The following PDE6C variants were observed in gnomAD, a reference collection of about 807,000 sequenced individuals.
PDE6C encodes the protein cone cGMP-specific 3',5'-cyclic phosphodiesterase subunit alpha'.
A neutral mutation model predicts 113.1 loss-of-function variants in PDE6C; 75 were observed. That is an observed-to-expected ratio of 0.66 (90% CI 0.55 to 0.80). PDE6C has a LOEUF of 0.80. Among genes scored for constraint, PDE6C ranks in the 30% least tolerant of loss-of-function variants. The pLI is 0.00. For missense variants in PDE6C, 912 were observed against 1,038.6 expected (o/e 0.88, Z 1.67); for synonymous variants, 375 against 363.7 (o/e 1.03, Z -0.35).
At chr10:93,626,728 G>A in intron 6 of PDE6C, 24 bp downstream of exon 6, 1 of 1,599,706 alleles carries the variant, frequency 6.3e-7, no homozygotes, top group Non-Finnish European at 8.6e-7. Context: ...GGAAGTTGCT[G>A]CCGCAGTTGC....
intron 20 of PDE6C, 127 bp from the exon 21 acceptor site, chr10:93,662,901 C>T (rs973796705): frequency 1.2e-5 from 10 of 832,338 alleles, no homozygotes; most frequent in Admixed American, 2.1e-5. Context: ...TTCATAGGCC[C>T]GTGGTTAAAC....
At chr10:93,664,220 T>C (rs1367481375) in intron 21 of PDE6C, among the ~76,000 whole-genome samples, 1 of 152,172 alleles carries the variant, frequency 6.6e-6, no homozygotes. Context: ...CAATGCACAA[T>C]TAACGATCTC....
chr10:93,664,828 T>A (rs1297637915), intron 21 of PDE6C, among the ~76,000 whole-genome samples: 2 of 152,168 alleles, frequency 1.3e-5, no homozygotes, highest in Non-Finnish European at 2.9e-5. Flanking sequence ...ACTAAGATGT[T>A]AACTGGCCAA....
chr10:93,656,995 T>C (rs1003116252), intron 16 of PDE6C, among the ~76,000 whole-genome samples: 1 of 152,134 alleles, frequency 6.6e-6, no homozygotes, highest in Non-Finnish European at 1.5e-5. Flanking sequence ...CAGATTTTGC[T>C]TTATAAGGAG....
chr10:93,620,928 T>G lies in PDE6C; in HGVS notation c.671T>G (p.Leu224Arg), dbSNP rs2058442773. 1 of 1,614,016 alleles carries G rather than the reference T, an allele frequency of 6.2e-7. No homozygotes were observed. Among genetic ancestry groups the G allele is most frequent in the African/African-American group, 1.3e-5 (1 of 74,908 alleles). The change falls in exon 3 of 22, where the codon CTA becomes CGA. Residue 224 changes from leucine (L) to arginine (R), a missense_variant. Transcript: ENST00000371447. ...SKYLNFVSIILRLHHTSYMYN... is the reference protein window; with the variant it reads ...SKYLNFVSIIRRLHHTSYMYN... The stretch of plus-strand genomic sequence containing the variant: ...TACCTCAACTTTGTGTCTATCATCC[T>G]AAGGCTTCATCACACCAGCTACATG...
rs1221399630 is a variant in PDE6C at position 93,626,656 on chromosome 10, A to C, written c.956A>C (p.Lys319Thr). 1 of 1,578,558 alleles carries C rather than the reference A, an allele frequency of 6.3e-7. No homozygotes were observed. Among genetic ancestry groups the C allele is most frequent in the East Asian group, 2.2e-5 (1 of 44,702 alleles). Residue 319 changes from lysine (K) to threonine (T), a missense_variant, in exon 6 of 22, where the codon AAA (lysine) becomes ACA (threonine). By Grantham distance (78) the Lys-to-Thr change is moderately conservative. Transcript: ENST00000371447. ...CTTTCTTAGGAAGTCAACTTTTATA[A>C]AATCATTGATTACATTTTACATGGA... ...TPDGREVNFYKIIDYILHGKE... is the reference protein window; with the variant it reads ...TPDGREVNFYTIIDYILHGKE...
chr10:93,613,187 T>A lies in PDE6C; in HGVS notation c.462T>A (p.Asn154Lys), dbSNP rs149739681. 1 of 1,613,740 alleles carries A rather than the reference T, an allele frequency of 6.2e-7. No individual in the cohort carries two copies. The highest frequency in any genetic ancestry group is 8.5e-7 in the Non-Finnish European group (1 of 1,180,008). ...CTGCTCACACGAAGAAAACTCATAATGTCCCAGATGTGAAAAAGGTAGGTG... is the reference window on the plus strand; with the variant it reads ...CTGCTCACACGAAGAAAACTCATAAAGTCCCAGATGTGAAAAAGGTAGGTG... ...GWAAHTKKTH[N>K]VPDVKKNSHF... Residue 154 changes from asparagine to lysine, a missense_variant, in exon 1 of 22, where the codon AAT becomes AAA. By Grantham distance (94) the Asn-to-Lys change is moderately conservative. Transcript: ENST00000371447.
Position 93,622,018 on chromosome 10 carries a change from A to G in PDE6C, c.810A>G (p.Ser270=). The G allele has an allele frequency of 6.2e-7, 1 of 1,613,978 alleles. No individual in the cohort carries two copies. The highest frequency in any genetic ancestry group is 8.5e-7 in the Non-Finnish European group (1 of 1,179,854). ...ACAAAGCGCTCTACACGGTTAGATC[A>G]TATCTGAACTGTGAACGATACTCCA... The part of the protein sequence containing the change: ...QFHKALYTVR[S]YLNCERYSIG... The change falls in exon 4 of 22, where the codon TCA becomes TCG. Residue 270 remains serine, a synonymous_variant. Transcript: ENST00000371447.
At chr10:93,618,757 A>G (rs779435235) in intron 1 of PDE6C, among the ~76,000 whole-genome samples, 60 of 152,212 alleles carry the variant, frequency 3.9e-4, no homozygotes, top group African/African-American at 1.4e-3. Flanking sequence ...ATTCTGAGGC[A>G]TATCTCAGGA....
rs113092118 is a variant in PDE6C at position 93,661,697 on chromosome 10, A to G, written c.2209-362A>G. Among the ~76,000 whole-genome samples, 1,066 of 152,340 alleles carry G rather than the reference A, an allele frequency of 7.0e-3. 17 individuals carry two copies. Among genetic ancestry groups the G allele is most frequent in the African/African-American group, 0.024 (1,007 of 41,568 alleles). On this transcript the variant is annotated intron_variant, in intron 18 of 21. Transcript: ENST00000371447. ...GGGTGTATGTCACATGTGCATTCAC[A>G]GACATATGCTAGATGCTAACAGATA...
intron 8 of PDE6C, among the ~76,000 whole-genome samples, 183 bp from the exon 9 acceptor site, chr10:93,634,575 C>T (rs1290442421): frequency 1.3e-5 from 2 of 152,176 alleles, no homozygotes; most frequent in African/African-American, 4.8e-5. Context: ...CGATATTGTA[C>T]TATAGTTACA....
chr10:93,633,843 A>G (rs2058514923), intron 8 of PDE6C, among the ~76,000 whole-genome samples: 1 of 152,232 alleles, frequency 6.6e-6, no homozygotes. Context: ...ACATAGTGGT[A>G]AGAAGCACTT....
rs550545604 is a variant in PDE6C, at chr10:93,661,850, C to T, written c.2209-209C>T. 5.3e-5 allele frequency among the ~76,000 whole-genome samples: 8 copies of T among 152,222 alleles called. No individual in the cohort carries two copies. In the South Asian group the frequency reaches 1.7e-3, roughly 32 times the overall value. On this transcript the variant is annotated intron_variant, in intron 18 of 21. Coordinates refer to ENST00000371447, the MANE Select transcript of PDE6C (RefSeq NM_006204.4). ...GGGAGATAGATACTCCTAGAATAAG[C>T]CTAGAACACTGAAGTAGGAAGAAAA...
chr10:93,613,968 A>G lies in PDE6C; in HGVS notation c.480+763A>G, dbSNP rs116199822. 4.4e-3 allele frequency among the ~76,000 whole-genome samples: 664 copies of G among 152,306 alleles called. 6 individuals are homozygous for G. The highest frequency in any genetic ancestry group is 0.016 in the African/African-American group (647 of 41,564). On this transcript the variant is annotated intron_variant, in intron 1 of 21. Transcript: ENST00000371447. ...GAAATAGAAAAACTTTATTCTTACC[A>G]TTAGAGTACATGTTCATTTTTAAAC...
intron 15 of PDE6C, among the ~76,000 whole-genome samples, chr10:93,655,273 T>C (rs1439796193): frequency 6.6e-6 from 1 of 152,182 alleles, no homozygotes; most frequent in East Asian, 1.9e-4. Context: ...TTTTCCTACA[T>C]ATACACGAAT....
At position 93,663,123 on chromosome 10, in the gene PDE6C, A is replaced by C. The variant is rs893420601; in HGVS notation, c.2463A>C (p.Ala821=). Residue 821 remains alanine (A), a synonymous_variant, in exon 21 of 22, where the codon GCA becomes GCC. Coordinates refer to ENST00000371447, the MANE Select transcript of PDE6C (RefSeq NM_006204.4). ...EWKSLADEYD[A]KMKVIEEEAK... ...AATCACTAGCTGATGAGTATGATGC[A>C]AAGATGAAGGTCATTGAAGAGGAGG... 2 of 1,613,684 alleles carry C rather than the reference A, an allele frequency of 1.2e-6. No homozygotes were observed. The highest frequency in any genetic ancestry group is 2.2e-5 in the South Asian group (2 of 91,070).
rs2058476033 is a variant in PDE6C, at chr10:93,626,959, T to C, written c.1071+88T>C. The stretch of plus-strand genomic sequence containing the variant: ...ATAGATACAATTGTGAAAGCAAGAA[T>C]GCATCCAATAAAAGCTAGATGGGCC... On this transcript the variant is annotated intron_variant, in intron 7 of 21. Transcript: ENST00000371447. 2.5e-6 allele frequency: 3 copies of C among 1,216,004 alleles called. No homozygotes were observed. The African/African-American group carries it at 4.5e-5, about 18-fold the overall frequency. 75.3% of individuals were successfully genotyped at this position (1,216,004 alleles called of 1,614,324 possible).
chr10:93,656,430 A>C (rs72808863), intron 16 of PDE6C, among the ~76,000 whole-genome samples: 2 of 152,128 alleles, frequency 1.3e-5, no homozygotes, highest in Non-Finnish European at 1.5e-5. Context: ...ACATTTTCTC[A>C]TAAGTGAACT....
At chr10:93,660,359 A>G (rs962032136) in intron 18 of PDE6C, among the ~76,000 whole-genome samples, 4 of 152,230 alleles carry the variant, frequency 2.6e-5, no homozygotes, top group African/African-American at 9.6e-5. Flanking sequence ...GAGAAATAGA[A>G]TTCAACAAAG....
Sources: allele counts gnomAD v4.1 joint callset (sites outside exome capture counted in the v4.1 genomes callset), GRCh38; gene constraint gnomAD v4.1.1; transcripts MANE v1.5; gene names NCBI Gene and HGNC (gene_info 2026-07-23, HGNC 2026-07-21).